AEBP2: variants seen among roughly 807,000 people sequenced by gnomAD.
AEBP2 encodes the protein AE binding protein 2, also known as zinc finger protein AEBP2.
AEBP2 carries 10 observed loss-of-function variants against 50.8 expected under a neutral mutation model. The observed-to-expected ratio is 0.20, with a 90% confidence interval of 0.12 to 0.33. The LOEUF is 0.33. AEBP2 is among the 10% of genes least tolerant of loss of function. The pLI is 1.00. For synonymous variants in AEBP2, 296 were observed against 261.3 expected (o/e 1.13, Z -1.28); for missense variants, 570 against 688.0 (o/e 0.83, Z 1.92).
At chr12:19,428,271 CTTTCTCCCTTACAAAATGT>C (rs1284623106) in intron 1 of AEBP2, among the ~76,000 whole-genome samples, 2 of 152,122 alleles carry the variant, frequency 1.3e-5, no homozygotes, top group African/African-American at 4.8e-5. Context: ...TAAAAGATTT[CTTTCTCCCTTACAAAATGT>C]CTGAGTTTTC....
At chr12:19,416,945 C>T (rs1223691857) in intron 1 of AEBP2, among the ~76,000 whole-genome samples, 1 of 151,786 alleles carries the variant, frequency 6.6e-6, no homozygotes, top group East Asian at 1.9e-4. Flanking sequence ...GATCTTGGCT[C>T]CCTGCAACCT....
chr12:19,479,040 C>T (rs1948690108), intron 3 of AEBP2, among the ~76,000 whole-genome samples: 1 of 151,972 alleles, frequency 6.6e-6, no homozygotes, highest in African/African-American at 2.4e-5. Context: ...AAAACCTTGT[C>T]TCAACAAAAA....
At chr12:19,481,875 C>T (rs549635387) in intron 3 of AEBP2, among the ~76,000 whole-genome samples, 1 of 152,310 alleles carries the variant, frequency 6.6e-6, no homozygotes, top group Admixed American at 6.5e-5. Context: ...AATTTTTCAT[C>T]CGTATCCTGT....
intron 6 of AEBP2, among the ~76,000 whole-genome samples, 160 bp downstream of exon 6, chr12:19,512,625 A>G (rs184254440): frequency 1.3e-5 from 2 of 152,196 alleles, no homozygotes; most frequent in Non-Finnish European, 2.9e-5. Flanking sequence ...AAGGTCTTAC[A>G]CTATCAGGTT....
chr12:19,486,616 C>G (rs1948814001), intron 3 of AEBP2, among the ~76,000 whole-genome samples: 1 of 151,984 alleles, frequency 6.6e-6, no homozygotes, highest in Non-Finnish European at 1.5e-5. Context: ...CTCGCAGGCC[C>G]AAGCGATCCT....
intron 5 of AEBP2, among the ~76,000 whole-genome samples, chr12:19,504,451 A>G (rs893998001): frequency 6.6e-6 from 1 of 151,798 alleles, no homozygotes; most frequent in Non-Finnish European, 1.5e-5. Flanking sequence ...CGTGTTAGCA[A>G]GGATGCTCTC....
rs1036051175 is a variant in AEBP2 at position 19,519,493 on chromosome 12, A to G, written c.*1376A>G. 6.6e-6 allele frequency: 1 copy of G among 152,600 alleles called. No homozygotes were observed. Among genetic ancestry groups the G allele is most frequent in the Non-Finnish European group, 1.5e-5 (1 of 67,976 alleles). The allele number at this position is 152,600 out of a possible 1,614,324, so 9.5% of individuals were successfully genotyped here. A position where few individuals can be genotyped will look rare whatever the true frequency, so the allele number is the denominator to read the frequency against. On this transcript the variant is annotated 3_prime_UTR_variant, in exon 8 of 8. Coordinates refer to ENST00000266508, the MANE Select transcript of AEBP2 (RefSeq NM_153207.5). ...GAGGACCTATACCCATAATAGAATT[A>G]TGGCACTCATTTCTGACAGTGATCA...
At chr12:19,482,313 A>T (rs1486850075) in intron 3 of AEBP2, among the ~76,000 whole-genome samples, 1 of 152,158 alleles carries the variant, frequency 6.6e-6, no homozygotes, top group Non-Finnish European at 1.5e-5. Flanking sequence ...TGGAGGTGGC[A>T]GGGGAGTGAA....
rs1256552280 is a variant in AEBP2, at chr12:19,409,450, A to C, written c.-17+5234A>C. Reference sequence around the variant, plus strand: ...TGTCCCAAAGGGTTAAAACCTCAGAATCATATTTTTTTAACTCACTGGAAA... The same window carrying C: ...TGTCCCAAAGGGTTAAAACCTCAGACTCATATTTTTTTAACTCACTGGAAA... On this transcript the variant is annotated intron_variant, in intron 1 of 3. Transcript: ENST00000538425. Among the ~76,000 whole-genome samples the C allele has an allele frequency of 1.3e-5, 2 of 152,186 alleles. 1 individual carries two copies. The highest frequency in any genetic ancestry group is 3.8e-4 in the East Asian group (2 of 5,198).
chr12:19,492,338 TATTA>T (rs1295925927), intron 3 of AEBP2, among the ~76,000 whole-genome samples: 2 of 152,188 alleles, frequency 1.3e-5, no homozygotes, highest in African/African-American at 4.8e-5. Context: ...AATTTGTATA[TATTA>T]ATTCTGGTGC....
At chr12:19,448,921 C>T (rs1948119681) in intron 1 of AEBP2, among the ~76,000 whole-genome samples, 1 of 152,154 alleles carries the variant, frequency 6.6e-6, no homozygotes, top group East Asian at 1.9e-4. Flanking sequence ...CTCAAGCAGT[C>T]CTCCCACCTT....
intron 1 of AEBP2, among the ~76,000 whole-genome samples, chr12:19,451,247 T>C (rs1948162087): frequency 6.6e-6 from 1 of 152,176 alleles, no homozygotes; most frequent in Non-Finnish European, 1.5e-5. Context: ...CTGCTCTACT[T>C]GGTATCAGCT....
intron 2 of AEBP2, among the ~76,000 whole-genome samples, chr12:19,470,197 G>A (rs1422114507): frequency 6.6e-6 from 1 of 150,490 alleles, no homozygotes; most frequent in African/African-American, 2.5e-5. Context: ...TTTGCTTTGA[G>A]TGCAGGTTTG....
chr12:19,517,768 G>T (rs1426466129), intron 7 of AEBP2, among the ~76,000 whole-genome samples: 1 of 152,180 alleles, frequency 6.6e-6, no homozygotes, highest in African/African-American at 2.4e-5. Flanking sequence ...TTCCCAATGT[G>T]CTGGGAAGAT....
At chr12:19,441,753 A>G (rs757378962) in intron 1 of AEBP2, among the ~76,000 whole-genome samples, 9 of 152,212 alleles carry the variant, frequency 5.9e-5, no homozygotes, top group Non-Finnish European at 1.3e-4. Context: ...GAATGTCTTC[A>G]AGAAAATTAA....
Position 19,485,954 on chromosome 12 carries a change from T to G in AEBP2, c.988-7846T>G, listed in dbSNP as rs556483818. Among the ~76,000 whole-genome samples, 86 of 148,980 alleles carry G rather than the reference T, an allele frequency of 5.8e-4. 1 individual carries two copies. Among genetic ancestry groups the G allele is most frequent in the African/African-American group, 2.0e-3 (82 of 40,760 alleles). The stretch of plus-strand genomic sequence containing the variant: ...TGTTTGAGGTGAGCCTCTGCTTTTT[T>G]TTTTTTTTTTTTTTCATTTTGTTTG... On this transcript the variant is annotated intron_variant, in intron 3 of 7. Transcript: ENST00000266508.
Position 19,462,893 on chromosome 12 carries a change from T to TAGG in AEBP2, c.879+177_879+179dup, listed in dbSNP as rs1948403365. 5.9e-5 allele frequency among the ~76,000 whole-genome samples: 9 copies of TAGG among 152,320 alleles called. No homozygotes were observed. The South Asian group carries it at 1.7e-3, about 28-fold the overall frequency. On this transcript the variant is annotated intron_variant, in intron 2 of 7. Coordinates refer to ENST00000266508, the MANE Select transcript of AEBP2 (RefSeq NM_153207.5). ...TATACTTGATAGAATCAAATAAAAA[T>TAGG]AGGGTATGTGCTGGATTTTAGTTTG...
At chr12:19,444,693 C>T (rs895365266) in intron 1 of AEBP2, among the ~76,000 whole-genome samples, 8 of 152,160 alleles carry the variant, frequency 5.3e-5, no homozygotes, top group African/African-American at 1.7e-4. Flanking sequence ...TGTTAAAGAG[C>T]GCTGTGAACT....
chr12:19,440,421 G>C (rs1250151051), intron 1 of AEBP2, 51 bp downstream of exon 1: 2 of 1,449,274 alleles, frequency 1.4e-6, no homozygotes, highest in African/African-American at 1.4e-5. Flanking sequence ...GAACTCCCGG[G>C]CCCCTCAGAG....
Sources: gnomAD v4.1 joint callset for allele counts (sites outside exome capture counted in the v4.1 genomes callset) on GRCh38, gnomAD v4.1.1 for gene constraint, MANE v1.5 for transcripts, NCBI Gene and HGNC (gene_info 2026-07-23, HGNC 2026-07-21) for gene names.